The following GPATCH2 variants were observed in gnomAD, a reference collection of about 807,000 sequenced individuals.
GPATCH2 encodes G patch domain-containing protein 2.
GPATCH2 carries 51 observed loss-of-function variants against 58.0 expected under a neutral mutation model. The observed-to-expected ratio is 0.88, with a 90% CI of 0.70 to 1.11. GPATCH2 has a LOEUF of 1.11. Among genes scored for constraint, GPATCH2 ranks in the 50% most tolerant of loss-of-function variants. The pLI is 0.00. For missense variants in GPATCH2, 625 were observed against 652.2 expected, an observed-to-expected ratio of 0.96 and a Z score of 0.45; for synonymous variants, 222 against 218.5, an observed-to-expected ratio of 1.02 and a Z score of -0.14.
intron 5 of GPATCH2, among the ~76,000 whole-genome samples, chr1:217,539,878 T>C (rs1478186716): frequency 1.4e-5 from 2 of 139,706 alleles, no homozygotes; most frequent in East Asian, 4.6e-4. Context: ...TTACAATTTA[T>C]TTATATATGT....
intron 8 of GPATCH2, among the ~76,000 whole-genome samples, chr1:217,457,987 A>T (rs942919240): frequency 3.9e-5 from 6 of 152,004 alleles, no homozygotes; most frequent in African/African-American, 1.4e-4. Flanking sequence ...CAGCACTTTG[A>T]GAGGCCGAGG....
intron 1 of GPATCH2, among the ~76,000 whole-genome samples, chr1:217,623,568 C>T (rs1414750093): frequency 6.6e-6 from 1 of 151,862 alleles, no homozygotes; most frequent in African/African-American, 2.4e-5. Context: ...ACTGTGTCAG[C>T]CTTATTTGAC....
At chr1:217,508,705 A>G (rs1018724063) in intron 6 of GPATCH2, among the ~76,000 whole-genome samples, 2 of 152,130 alleles carry the variant, frequency 1.3e-5, no homozygotes, top group African/African-American at 4.8e-5. Context: ...TTGTAGTTTT[A>G]AAAAGTCAAC....
chr1:217,592,217 T>C (rs1307827545), intron 5 of GPATCH2, among the ~76,000 whole-genome samples: 2 of 152,032 alleles, frequency 1.3e-5, no homozygotes, highest in African/African-American at 2.4e-5. Flanking sequence ...TCTTGTATTA[T>C]AGCAACTACA....
chr1:217,442,526 C>T (rs1271163631), intron 9 of GPATCH2, among the ~76,000 whole-genome samples: 1 of 152,094 alleles, frequency 6.6e-6, no homozygotes, highest in East Asian at 1.9e-4. Flanking sequence ...TTTTCTATTA[C>T]ATCATTTCTT....
intron 5 of GPATCH2, among the ~76,000 whole-genome samples, chr1:217,595,299 G>A (rs1667771752): frequency 6.6e-6 from 1 of 151,988 alleles, no homozygotes; most frequent in African/African-American, 2.4e-5. Flanking sequence ...TCCTCAAAAG[G>A]GGAACTCAAT....
rs1240091827 is a variant in GPATCH2 at position 217,428,355 on chromosome 1, A to G, written c.*2790T>C. The stretch of plus-strand genomic sequence containing the variant: ...ACCTTTTAGAGGAAATATAAATGAT[A>G]CATTCTAAATCTTGGGGTTCTATGG... On this transcript the variant is annotated 3_prime_UTR_variant, in exon 10 of 10. Transcript: ENST00000366935. 1 of 152,242 alleles carries G rather than the reference A, an allele frequency of 6.6e-6. No individual in the cohort carries two copies. Among genetic ancestry groups the G allele is most frequent in the Non-Finnish European group, 1.5e-5 (1 of 68,020 alleles). The allele number at this position is 152,242 out of a possible 1,614,324, so 9.4% of individuals were successfully genotyped here.
At chr1:217,505,470 G>C (rs1241028616) in intron 6 of GPATCH2, among the ~76,000 whole-genome samples, 1 of 152,064 alleles carries the variant, frequency 6.6e-6, no homozygotes, top group African/African-American at 2.4e-5. Context: ...CCTTCTCACT[G>C]TTCCTTAATT....
intron 5 of GPATCH2, among the ~76,000 whole-genome samples, chr1:217,573,838 A>C (rs1305840308): frequency 6.6e-6 from 1 of 152,176 alleles, no homozygotes; most frequent in East Asian, 1.9e-4. Context: ...TTCAGAATCA[A>C]CCTATCCTGG....
At chr1:217,595,885 T>A (rs958505129) in intron 5 of GPATCH2, among the ~76,000 whole-genome samples, 1 of 152,182 alleles carries the variant, frequency 6.6e-6, no homozygotes, top group Admixed American at 6.5e-5. Context: ...TAGAAAACAT[T>A]AAGTGTTATT....
intron 5 of GPATCH2, among the ~76,000 whole-genome samples, chr1:217,583,067 ACTG>A (rs1208271124): frequency 1.3e-5 from 2 of 152,228 alleles, no homozygotes; most frequent in Non-Finnish European, 2.9e-5. Context: ...ATAAATAATT[ACTG>A]CATGTATTAG....
chr1:217,431,335 A>G lies in GPATCH2; in HGVS notation c.1397T>C (p.Leu466Pro). 6.2e-7 allele frequency: 1 copy of G among 1,606,350 alleles called. No homozygotes were observed. The highest frequency in any genetic ancestry group is 8.5e-7 in the Non-Finnish European group (1 of 1,172,836). Reference sequence around the variant, plus strand: ...CATTCGGTTTCCAATATTATTTTCTAGGATTGGCTGGGCATTTTCACCTAC... The same window carrying G: ...CATTCGGTTTCCAATATTATTTTCTGGGATTGGCTGGGCATTTTCACCTAC... Reference protein sequence around the residue: ...GFVGENAQPILENNIGNRMLQ... With the variant: ...GFVGENAQPIPENNIGNRMLQ... Residue 466 changes from leucine to proline, a missense_variant, in exon 10 of 10, where the codon CTA (leucine) becomes CCA (proline). By Grantham distance (98) the Leu-to-Pro change is moderately conservative (BLOSUM62 -3). Coordinates refer to ENST00000366935, the MANE Select transcript of GPATCH2 (RefSeq NM_018040.5).
chr1:217,433,933 A>T (rs1344876705), intron 9 of GPATCH2, among the ~76,000 whole-genome samples: 2 of 152,182 alleles, frequency 1.3e-5, no homozygotes, highest in East Asian at 3.9e-4. Context: ...TTTACTATGG[A>T]GTAGTCATCA....
At chr1:217,444,477 G>T (rs1424376856) in intron 9 of GPATCH2, among the ~76,000 whole-genome samples, 1 of 152,158 alleles carries the variant, frequency 6.6e-6, no homozygotes, top group Non-Finnish European at 1.5e-5. Flanking sequence ...CAGGTGTTCG[G>T]TAGTTTAAGT....
At chr1:217,584,460 C>A (rs1481284313) in intron 5 of GPATCH2, among the ~76,000 whole-genome samples, 1 of 150,952 alleles carries the variant, frequency 6.6e-6, no homozygotes, top group African/African-American at 2.4e-5. Context: ...ACCCGGGAGG[C>A]GGAGGTTGCA....
intron 5 of GPATCH2, among the ~76,000 whole-genome samples, chr1:217,575,370 TAAAAAGCA>T (rs1228564618): frequency 6.6e-6 from 1 of 152,132 alleles, no homozygotes; most frequent in Admixed American, 6.6e-5. Flanking sequence ...ACCATTACCT[TAAAAAGCA>T]AACCAATCAT....
intron 5 of GPATCH2, among the ~76,000 whole-genome samples, chr1:217,536,056 A>C (rs1664444991): frequency 6.6e-6 from 1 of 152,138 alleles, no homozygotes; most frequent in Non-Finnish European, 1.5e-5. Context: ...CCAATTTTAA[A>C]ATTTTATTAG....
intron 8 of GPATCH2, among the ~76,000 whole-genome samples, chr1:217,486,485 C>T (rs1241795709): frequency 3.9e-5 from 6 of 152,108 alleles, no homozygotes; most frequent in African/African-American, 1.2e-4. Context: ...ACTGCAGCCT[C>T]GACTGCCCAG....
intron 5 of GPATCH2, among the ~76,000 whole-genome samples, chr1:217,567,157 G>A (rs1046881162): frequency 6.0e-5 from 9 of 149,882 alleles, no homozygotes; most frequent in Non-Finnish European, 4.4e-5. Context: ...AGTGATTCTC[G>A]TGCCTCAGCC....
Sources: gnomAD v4.1 joint callset for allele counts (sites outside exome capture counted in the v4.1 genomes callset) on GRCh38, gnomAD v4.1.1 for gene constraint, MANE v1.5 for transcripts, NCBI Gene and HGNC (gene_info 2026-07-23, HGNC 2026-07-21) for gene names.